The following REV1 variants were observed in gnomAD, a reference collection of about 807,000 sequenced individuals.
The protein encoded by REV1 is REV1 DNA directed polymerase.
A neutral mutation model predicts 137.4 loss-of-function variants in REV1; 42 were observed. That is an observed-to-expected ratio of 0.31 (90% confidence interval 0.24 to 0.40). The LOEUF is 0.40. Ranked by LOEUF, REV1 falls within the 10% of genes least tolerant of loss-of-function variation. REV1 has a pLI of 1.00. For missense variants in REV1, 1,282 were observed against 1,490.1 expected (o/e 0.86, Z 2.30); for synonymous variants, 524 against 519.2 (o/e 1.01, Z -0.12).
intron 7 of REV1, 71 bp from the exon 8 acceptor site, chr2:99,434,519 T>G: frequency 1.1e-6 from 1 of 951,120 alleles, no homozygotes; most frequent in Non-Finnish European, 1.5e-6. Flanking sequence ...CAAAAATTTT[T>G]CAAAGGATTT....
chr2:99,485,435 G>A (rs1216805195), intron 1 of REV1, among the ~76,000 whole-genome samples: 3 of 152,178 alleles, frequency 2.0e-5, no homozygotes, highest in Non-Finnish European at 4.4e-5. Flanking sequence ...TGAAAGAAGG[G>A]AGAAACTGAA....
chr2:99,404,290 T>C (rs1311937038), intron 18 of REV1, among the ~76,000 whole-genome samples, 154 bp downstream of exon 18: 2 of 152,006 alleles, frequency 1.3e-5, no homozygotes, highest in East Asian at 1.9e-4. Flanking sequence ...ATGCAGGAGA[T>C]GGAGACAAGC....
chr2:99,461,927 C>T lies in REV1; in HGVS notation c.181+569G>A, dbSNP rs116770913. The stretch of plus-strand genomic sequence containing the variant: ...AGACTACACTACCCCTTCCAGATAC[C>T]GGACTCAATGACAATAGGCACAGCT... On this transcript the variant is annotated intron_variant, in intron 3 of 22. Transcript: ENST00000258428. Among the ~76,000 whole-genome samples the T allele has an allele frequency of 9.9e-3, 1,503 of 152,202 alleles. 22 individuals are homozygous for T. The highest frequency in any genetic ancestry group is 0.034 in the African/African-American group (1,414 of 41,516).
At position 99,449,378 on chromosome 2, in the gene REV1, A is replaced by G; in HGVS notation, c.308T>C (p.Leu103Ser). 6.4e-7 allele frequency: 1 copy of G among 1,562,934 alleles called. No homozygotes were observed. Reference protein sequence around the residue: ...TNLPNAKIKELKGEKVIRPEW... With the variant: ...TNLPNAKIKESKGEKVIRPEW... Reference sequence around the variant, plus strand: ...TGGTCGAATTACTTTTTCCCCCTTTAATTCTTTAATTTTGGCATTGGGAAG... The same window carrying G: ...TGGTCGAATTACTTTTTCCCCCTTTGATTCTTTAATTTTGGCATTGGGAAG... Residue 103 changes from leucine to serine, a missense_variant, in exon 4 of 23, where the codon TTA (leucine) becomes TCA (serine). Physicochemically the swap from Leu to Ser is moderately radical, Grantham distance 145. Coordinates refer to ENST00000258428, the MANE Select transcript of REV1 (RefSeq NM_016316.4).
intron 5 of REV1, 39 bp from the exon 6 acceptor site, chr2:99,439,349 C>G: frequency 7.0e-7 from 1 of 1,427,298 alleles, no homozygotes; most frequent in Non-Finnish European, 9.6e-7. Flanking sequence ...TAATATCTGA[C>G]TTTTAGGTTA....
intron 1 of REV1, among the ~76,000 whole-genome samples, chr2:99,483,592 T>A (rs1043726633): frequency 4.6e-5 from 7 of 152,260 alleles, no homozygotes; most frequent in Non-Finnish European, 8.8e-5. Flanking sequence ...CCTGCCTATA[T>A]GAGAAAGTAT....
At chr2:99,465,848 A>T (rs766702730) in intron 1 of REV1, among the ~76,000 whole-genome samples, 28 of 152,202 alleles carry the variant, frequency 1.8e-4, no homozygotes, top group Non-Finnish European at 3.2e-4. Context: ...ATCAGCTCTG[A>T]TATGATCTAT....
intron 1 of REV1, 115 bp downstream of exon 1, chr2:99,489,702 C>G (rs907602134): frequency 6.7e-6 from 1 of 149,310 alleles, no homozygotes; most frequent in Non-Finnish European, 1.5e-5. Context: ...CTCCCCCGCG[C>G]CACCTCAGGC....
intron 2 of REV1, 122 bp downstream of exon 2, chr2:99,464,800 C>A: frequency 1.1e-6 from 1 of 900,760 alleles, no homozygotes; most frequent in Non-Finnish European, 1.8e-6. Context: ...ACTGTGAAAA[C>A]TCAAAGATGT....
At chr2:99,421,708 C>A in intron 10 of REV1, 55 bp from the exon 11 acceptor site, 3 of 1,541,248 alleles carry the variant, frequency 1.9e-6, no homozygotes, top group South Asian at 2.4e-5. Flanking sequence ...ATCTGGTAGA[C>A]CCAATGTTGC....
chr2:99,408,314 A>C, intron 14 of REV1, 183 bp from the exon 15 acceptor site: 1 of 386,110 alleles, frequency 2.6e-6, no homozygotes, highest in Non-Finnish European at 4.6e-6. Flanking sequence ...TTACACTGGC[A>C]ACCAAGGGGG....
chr2:99,437,859 TAACAGAA>T (rs1184629506), intron 6 of REV1, among the ~76,000 whole-genome samples: 2 of 152,068 alleles, frequency 1.3e-5, no homozygotes, highest in African/African-American at 4.8e-5. Flanking sequence ...CAGTAAAACA[TAACAGAA>T]AACACCCCAC....
At chr2:99,475,836 T>G (rs1239492059) in intron 1 of REV1, among the ~76,000 whole-genome samples, 1 of 151,868 alleles carries the variant, frequency 6.6e-6, no homozygotes, top group Non-Finnish European at 1.5e-5. Flanking sequence ...ATACAAAAAT[T>G]AGTCAGGCGT....
In REV1 at chr2:99,405,923, G is replaced by A. The variant is rs1676221427; in HGVS notation, c.2798C>T (p.Pro933Leu). The change falls in exon 17 of 23, where the codon CCG (proline) becomes CTG (leucine). Residue 933 changes from proline to leucine, a missense_variant. Coordinates refer to ENST00000258428, the MANE Select transcript of REV1 (RefSeq NM_016316.4). Reference sequence around the variant, plus strand: ...ACAAAAATGTACCTGGGAAGGTGACGGGACCTCTATACTCAGGTTAAGTCT... The same window carrying A: ...ACAAAAATGTACCTGGGAAGGTGACAGGACCTCTATACTCAGGTTAAGTCT... Reference protein sequence around the residue: ...QSRLNLSIEVPSPSQLDQSVL... With the variant: ...QSRLNLSIEVLSPSQLDQSVL... 3 of 1,549,302 alleles carry A rather than the reference G, an allele frequency of 1.9e-6. No individual in the cohort carries two copies. The highest frequency in any genetic ancestry group is 1.4e-5 in the African/African-American group (1 of 72,918).
chr2:99,412,994 A>G (rs757155277), intron 12 of REV1, 43 bp from the exon 13 acceptor site: 38 of 1,387,334 alleles, frequency 2.7e-5, no homozygotes, highest in African/African-American at 4.3e-5. Context: ...TAAGCTACTA[A>G]TAACAAGTTT....
At chr2:99,490,079 C>G (rs1687558403), upstream of REV1, 1 of 149,320 alleles carries the variant, frequency 6.7e-6, no homozygotes. Flanking sequence ...GTTCCGCGCG[C>G]GCTCCCCGGC....
At position 99,418,670 on chromosome 2, in the gene REV1, T is replaced by C. The variant is rs970413718; in HGVS notation, c.1951+158A>G. 7.2e-5 allele frequency among the ~76,000 whole-genome samples: 11 copies of C among 152,324 alleles called. No homozygotes were observed. The South Asian group carries it at 2.1e-3, about 29-fold the overall frequency. On this transcript the variant is annotated intron_variant, in intron 12 of 22. Coordinates refer to ENST00000258428, the MANE Select transcript of REV1 (RefSeq NM_016316.4). ...ACAAATCATTTTAGGGGATATTTAATGCAGAATTCCAAATTTTGTTTTTCA... is the reference window on the plus strand; with the variant it reads ...ACAAATCATTTTAGGGGATATTTAACGCAGAATTCCAAATTTTGTTTTTCA...
chr2:99,403,224 C>A (rs1438346692), intron 19 of REV1, 118 bp from the exon 20 acceptor site: 2 of 797,058 alleles, frequency 2.5e-6, no homozygotes, highest in Non-Finnish European at 3.9e-6. Flanking sequence ...TACACCTCCC[C>A]TCCTGCCCCA....
At chr2:99,448,909 A>G (rs992335153) in intron 4 of REV1, among the ~76,000 whole-genome samples, 4 of 152,240 alleles carry the variant, frequency 2.6e-5, no homozygotes, top group Non-Finnish European at 5.9e-5. Context: ...TAGTATTATC[A>G]ACATGAGCTT....
Sources: allele counts gnomAD v4.1 joint callset (sites outside exome capture counted in the v4.1 genomes callset), GRCh38; gene constraint gnomAD v4.1.1; transcripts MANE v1.5; gene names NCBI Gene and HGNC (gene_info 2026-07-23, HGNC 2026-07-21).